CBLB: variants seen among roughly 807,000 people sequenced by gnomAD.
The protein encoded by CBLB is Cbl proto-oncogene B, also known as E3 ubiquitin-protein ligase CBL-B.
CBLB carries 31 observed loss-of-function variants against 104.9 expected under a neutral mutation model. The ratio of observed to expected loss-of-function variants is 0.30; its 90% CI spans 0.22 to 0.40. The LOEUF (loss-of-function observed/expected upper bound fraction) is 0.40. Among genes scored for constraint, CBLB ranks in the 10% least tolerant of loss-of-function variants. CBLB has a pLI of 1.00. For missense variants in CBLB, 1,062 were observed against 1,214.6 expected, an observed-to-expected ratio of 0.87 and a Z score of 1.87; for synonymous variants, 440 against 422.6, an observed-to-expected ratio of 1.04 and a Z score of -0.51.
intron 2 of CBLB, among the ~76,000 whole-genome samples, chr3:105,864,335 C>G (rs761990840): frequency 6.6e-6 from 1 of 152,132 alleles, no homozygotes; most frequent in Non-Finnish European, 1.5e-5. Flanking sequence ...AGTGGAAACA[C>G]AGTAGGCCCT....
chr3:105,808,823 AAC>A (rs2083869084), intron 3 of CBLB, among the ~76,000 whole-genome samples: 1 of 152,226 alleles, frequency 6.6e-6, no homozygotes, highest in African/African-American at 2.4e-5. Context: ...GCTTTCCTGT[AAC>A]AGTTTTTAAA....
intron 5 of CBLB, among the ~76,000 whole-genome samples, chr3:105,746,244 C>T (rs534660849): frequency 5.2e-4 from 79 of 152,198 alleles, no homozygotes; most frequent in African/African-American, 1.8e-3. Context: ...AGGCAGAAAA[C>T]AGATTTTTCA....
chr3:105,812,815 T>C (rs1247678252), intron 3 of CBLB, among the ~76,000 whole-genome samples: 2 of 152,190 alleles, frequency 1.3e-5, no homozygotes, highest in East Asian at 3.8e-4. Flanking sequence ...CTACTAACCT[T>C]CTTCTTGAAT....
intron 18 of CBLB, among the ~76,000 whole-genome samples, chr3:105,662,162 CTCTT>C (rs923698398): frequency 1.3e-5 from 2 of 152,276 alleles, no homozygotes; most frequent in East Asian, 1.9e-4. Context: ...GAACCGATTA[CTCTT>C]TCTGTCTCTT....
chr3:105,840,248 AAAGTTAC>A (rs2089339026), intron 3 of CBLB, among the ~76,000 whole-genome samples: 2 of 152,228 alleles, frequency 1.3e-5, no homozygotes, highest in African/African-American at 4.8e-5. Context: ...AAATGCTTAA[AAAGTTAC>A]AAGTAATATT....
At chr3:105,670,170 C>T in intron 18 of CBLB, 63 bp downstream of exon 18, 1 of 1,430,756 alleles carries the variant, frequency 7.0e-7, no homozygotes, top group Non-Finnish European at 9.8e-7. Context: ...AGAAGGTGTT[C>T]TGAAAAGCAA....
intron 3 of CBLB, among the ~76,000 whole-genome samples, chr3:105,851,990 A>C (rs2091002169): frequency 6.6e-6 from 1 of 152,238 alleles, no homozygotes; most frequent in Non-Finnish European, 1.5e-5. Context: ...ACATAAAAGC[A>C]TAGCACATAC....
chr3:105,852,324 T>C (rs531234665), intron 3 of CBLB, among the ~76,000 whole-genome samples: 4 of 152,300 alleles, frequency 2.6e-5, no homozygotes, highest in Non-Finnish European at 4.4e-5. Context: ...GACAATAATA[T>C]TGATGATCCT....
chr3:105,703,017 G>A (rs531603572), intron 11 of CBLB, among the ~76,000 whole-genome samples: 1 of 152,304 alleles, frequency 6.6e-6, no homozygotes, highest in Admixed American at 6.5e-5. Flanking sequence ...AAGTAACAGA[G>A]CAGCACTACA....
rs968969874 is a variant in CBLB at position 105,658,390 on chromosome 3, T to C, written c.*580A>G. ...AAGAAACTCAGTAGTGAAGAATACA[T>C]ACTTTTTTTTTTTTGCATTAGTTTG... On this transcript the variant is annotated 3_prime_UTR_variant, in exon 19 of 19. Transcript: ENST00000394030. 1 of 212,746 alleles carries C rather than the reference T, an allele frequency of 4.7e-6. No homozygotes were observed. The highest frequency in any genetic ancestry group is 9.3e-6 in the Non-Finnish European group (1 of 107,432). The allele number at this position is 212,746 out of a possible 1,614,324, so 13.2% of individuals were successfully genotyped here. A position where few individuals can be genotyped will look rare whatever the true frequency, so the allele number is the denominator to read the frequency against.
At chr3:105,828,036 C>A (rs894244335) in intron 3 of CBLB, among the ~76,000 whole-genome samples, 2 of 152,222 alleles carry the variant, frequency 1.3e-5, no homozygotes, top group Non-Finnish European at 2.9e-5. Flanking sequence ...CTAAGCAAAG[C>A]AGCTCTAGTC....
At chr3:105,862,255 T>C (rs1297931805) in intron 2 of CBLB, among the ~76,000 whole-genome samples, 2 of 152,220 alleles carry the variant, frequency 1.3e-5, no homozygotes, top group Non-Finnish European at 2.9e-5. Flanking sequence ...ACTGTACACT[T>C]AATTTTCTGA....
intron 18 of CBLB, among the ~76,000 whole-genome samples, chr3:105,665,509 TA>T (rs2064336832): frequency 7.0e-6 from 1 of 142,256 alleles, no homozygotes; most frequent in Non-Finnish European, 1.5e-5. Context: ...TTAGGAGAAA[TA>T]AAATTATATC....
intron 13 of CBLB, among the ~76,000 whole-genome samples, chr3:105,689,258 T>C (rs980090566): frequency 1.3e-5 from 2 of 151,942 alleles, no homozygotes; most frequent in Non-Finnish European, 2.9e-5. Context: ...AACAGGACAG[T>C]TAGGTGAAAT....
intron 5 of CBLB, among the ~76,000 whole-genome samples, chr3:105,747,904 T>C (rs1288258784): frequency 6.6e-6 from 1 of 152,188 alleles, no homozygotes; most frequent in Non-Finnish European, 1.5e-5. Flanking sequence ...AGCCAACTGC[T>C]ACAGTATTCA....
chr3:105,774,223 G>T (rs2079198547), intron 4 of CBLB, among the ~76,000 whole-genome samples: 1 of 152,070 alleles, frequency 6.6e-6, no homozygotes, highest in South Asian at 2.1e-4. Flanking sequence ...TGACAGGCAT[G>T]CTCCCACAGG....
At chr3:105,782,584 T>C (rs1313227463) in intron 3 of CBLB, among the ~76,000 whole-genome samples, 3 of 102,310 alleles carry the variant, frequency 2.9e-5, no homozygotes, top group African/African-American at 1.2e-4. Context: ...TTTTCTTTTT[T>C]TTTTTTTTTT....
intron 3 of CBLB, among the ~76,000 whole-genome samples, chr3:105,780,119 C>G (rs2152972528): frequency 6.6e-6 from 1 of 151,610 alleles, no homozygotes; most frequent in East Asian, 1.9e-4. Flanking sequence ...TCCTGAAGTG[C>G]TGGGGTTACA....
At chr3:105,869,058 GGGGCGGGGGCGGGGCC>G (rs1706720660), upstream of CBLB, 5 of 1,065,772 alleles carry the variant, frequency 4.7e-6, no homozygotes, top group African/African-American at 1.8e-5. Context: ...GGGGCGGGGC[GGGGCGGGGGCGGGGCC>G]GGGCGCCGCT....
Sources: gnomAD v4.1 joint callset for allele counts (sites outside exome capture counted in the v4.1 genomes callset) on GRCh38, gnomAD v4.1.1 for gene constraint, MANE v1.5 for transcripts, NCBI Gene and HGNC (gene_info 2026-07-23, HGNC 2026-07-21) for gene names.